Variants in CDIN1 observed in about 807,000 individuals in gnomAD.
CDIN1 encodes CDAN1 interacting nuclease 1, also known as CDAN1-interacting nuclease 1.
CDIN1 carries 33 observed loss-of-function variants against 45.3 expected under a neutral mutation model. That is an observed-to-expected ratio of 0.73 (90% CI 0.55 to 0.97). The LOEUF (loss-of-function observed/expected upper bound fraction) is 0.97. Among genes scored for constraint, CDIN1 ranks in the 50% least tolerant of loss-of-function variants. CDIN1 has a pLI of 0.00. For missense variants in CDIN1, 303 were observed against 339.4 expected, an observed-to-expected ratio of 0.89 and a Z score of 0.84; for synonymous variants, 118 against 124.4, an observed-to-expected ratio of 0.95 and a Z score of 0.34.
At chr15:36,587,970 G>T (rs921176305) in intron 1 of CDIN1, among the ~76,000 whole-genome samples, 2 of 152,080 alleles carry the variant, frequency 1.3e-5, no homozygotes, top group Admixed American at 6.6e-5. Context: ...AGAGCTCTCC[G>T]TAAGTTTTTA....
At chr15:36,662,573 G>T (rs1595439054) in intron 5 of CDIN1, among the ~76,000 whole-genome samples, 1 of 151,922 alleles carries the variant, frequency 6.6e-6, no homozygotes, top group Non-Finnish European at 1.5e-5. Context: ...AAGGCATCCA[G>T]TAGGTGTTTA....
intron 1 of CDIN1, among the ~76,000 whole-genome samples, chr15:36,622,853 G>T: frequency 6.6e-6 from 1 of 152,166 alleles, no homozygotes; most frequent in Non-Finnish European, 1.5e-5. Flanking sequence ...TGTTTGTATC[G>T]GGGAGGCAGC....
At position 36,809,320 on chromosome 15, in the gene CDIN1, A is replaced by G. The variant is rs2055329933; in HGVS notation, c.*867A>G. ...AGTATTTTTATGAGTCGAGTTTTTT[A>G]AAGGCACATTCTGTATACTGCTTAG... On this transcript the variant is annotated 3_prime_UTR_variant, in exon 11 of 11. Transcript: ENST00000566621. 1 of 188,624 alleles carries G rather than the reference A, an allele frequency of 5.3e-6. No individual in the cohort carries two copies. Among genetic ancestry groups the G allele is most frequent in the African/African-American group, 2.4e-5 (1 of 42,208 alleles). The allele number at this position is 188,624 out of a possible 1,614,324, so 11.7% of individuals were successfully genotyped here. A position where few individuals can be genotyped will look rare whatever the true frequency, so the allele number is the denominator to read the frequency against.
chr15:36,678,750 G>T (rs186218374), intron 5 of CDIN1, among the ~76,000 whole-genome samples: 3 of 152,276 alleles, frequency 2.0e-5, no homozygotes, highest in Non-Finnish European at 4.4e-5. Flanking sequence ...AACGATATAT[G>T]GTCTTGTTTT....
intron 10 of CDIN1, among the ~76,000 whole-genome samples, chr15:36,761,199 T>A (rs1364318051): frequency 1.3e-5 from 2 of 152,200 alleles, no homozygotes; most frequent in Non-Finnish European, 2.9e-5. Context: ...CAGGTCACAC[T>A]TTTCTCTGCT....
At chr15:36,792,675 G>A (rs573238747) in intron 10 of CDIN1, among the ~76,000 whole-genome samples, 58 of 152,254 alleles carry the variant, frequency 3.8e-4, no homozygotes, top group African/African-American at 1.4e-3. Context: ...TAAGTGAGCT[G>A]CAGTAGATAC....
chr15:36,761,198 CTT>C (rs759231859), intron 10 of CDIN1, among the ~76,000 whole-genome samples: 2 of 152,168 alleles, frequency 1.3e-5, no homozygotes, highest in Admixed American at 6.5e-5. Flanking sequence ...ACAGGTCACA[CTT>C]TTCTCTGCTC....
At chr15:36,713,499 G>A (rs1379340163) in intron 10 of CDIN1, among the ~76,000 whole-genome samples, 1 of 152,144 alleles carries the variant, frequency 6.6e-6, no homozygotes, top group Admixed American at 6.6e-5. Flanking sequence ...GGAATATTGG[G>A]TTTGAATCCA....
chr15:36,597,230 C>G (rs755566843), intron 1 of CDIN1, among the ~76,000 whole-genome samples: 15 of 152,286 alleles, frequency 9.8e-5, no homozygotes, highest in Non-Finnish European at 1.8e-4. Context: ...AAAATAATCT[C>G]AGAAAGGTAA....
chr15:36,703,422 T>G (rs897342052), intron 8 of CDIN1, among the ~76,000 whole-genome samples: 3 of 142,140 alleles, frequency 2.1e-5, no homozygotes, highest in Non-Finnish European at 4.5e-5. Context: ...ATATATCAGA[T>G]ATATATATAT....
At chr15:36,625,555 C>T (rs16963717) in intron 1 of CDIN1, among the ~76,000 whole-genome samples, 4,804 of 152,154 alleles carry the variant, frequency 0.032, 88 homozygotes, top group South Asian at 0.05. Flanking sequence ...GGAAAAAATT[C>T]GACACCTTGG....
chr15:36,703,887 A>G (rs1379244405), intron 8 of CDIN1, among the ~76,000 whole-genome samples: 6 of 152,152 alleles, frequency 3.9e-5, no homozygotes, highest in East Asian at 1.9e-4. Flanking sequence ...CTAACAGTCA[A>G]TCTTTCCTCT....
intron 10 of CDIN1, among the ~76,000 whole-genome samples, chr15:36,788,302 G>T (rs938565316): frequency 4.0e-5 from 6 of 151,274 alleles, no homozygotes; most frequent in African/African-American, 9.7e-5. Context: ...TTTTAGTAGA[G>T]ACAGGGTTTC....
intron 10 of CDIN1, among the ~76,000 whole-genome samples, chr15:36,710,502 G>A (rs898483267): frequency 6.6e-6 from 1 of 152,100 alleles, no homozygotes; most frequent in African/African-American, 2.4e-5. Flanking sequence ...TCTACCACAT[G>A]TCCGGGAAGT....
intron 10 of CDIN1, among the ~76,000 whole-genome samples, chr15:36,731,806 C>T (rs1249818854): frequency 6.6e-6 from 1 of 152,162 alleles, no homozygotes; most frequent in Non-Finnish European, 1.5e-5. Flanking sequence ...AGTTAAGAGA[C>T]ATGCCAAATT....
chr15:36,746,874 C>T lies in CDIN1; in HGVS notation c.716+36913C>T, dbSNP rs886555040. 1.0e-5 allele frequency: 4 copies of T among 384,220 alleles called. No homozygotes were observed. The Admixed American group carries it at 1.4e-4, about 13-fold the overall frequency. 23.8% of individuals were successfully genotyped at this position (384,220 alleles called of 1,614,324 possible). On this transcript the variant is annotated intron_variant, in intron 10 of 10. Coordinates refer to ENST00000566621, the MANE Select transcript of CDIN1 (RefSeq NM_001321759.2). ...AAGTGACCCTCCCACCTCAGTCTCC[C>T]AAGTAGCTGGGACTGCAGGTGCATG...
chr15:36,732,575 T>G (rs1011958347), intron 10 of CDIN1, among the ~76,000 whole-genome samples: 6 of 152,006 alleles, frequency 3.9e-5, no homozygotes, highest in African/African-American at 9.7e-5. Flanking sequence ...AAGGGTAGAT[T>G]GAGTTGGTGT....
chr15:36,635,206 T>G (rs572861083), intron 1 of CDIN1, among the ~76,000 whole-genome samples: 1 of 152,306 alleles, frequency 6.6e-6, no homozygotes, highest in Non-Finnish European at 1.5e-5. Context: ...CACCAAAAAT[T>G]AATACCTGAA....
At chr15:36,771,490 T>C (rs75038799) in intron 10 of CDIN1, among the ~76,000 whole-genome samples, 1,885 of 152,316 alleles carry the variant, frequency 0.012, 37 homozygotes, top group African/African-American at 0.042. Flanking sequence ...TCCCAGCCAA[T>C]TGTGGTGCAC....
Sources: gnomAD v4.1 joint callset for allele counts (sites outside exome capture counted in the v4.1 genomes callset) on GRCh38, gnomAD v4.1.1 for gene constraint, MANE v1.5 for transcripts, NCBI Gene and HGNC (gene_info 2026-07-23, HGNC 2026-07-21) for gene names.